Variants in RP1 observed in about 807,000 individuals in gnomAD.
The protein encoded by RP1 is oxygen-regulated protein 1.
RP1 carries 16 observed loss-of-function variants against 14.8 expected under a neutral mutation model. That is an observed-to-expected ratio of 1.08 (90% confidence interval 0.73 to 1.65). The LOEUF is 1.65. Ranked by LOEUF, RP1 falls within the 40% of genes most tolerant of loss-of-function variation. The pLI is 0.00. For missense variants in RP1, 2,631 were observed against 2,535.0 expected (o/e 1.04, Z -0.81); for synonymous variants, 876 against 883.6 (o/e 0.99, Z 0.15).
chr8:54,646,824 C>T (rs1806560524), intron 3 of RP1, among the ~76,000 whole-genome samples: 1 of 152,084 alleles, frequency 6.6e-6, no homozygotes, highest in South Asian at 2.1e-4. Context: ...TATTGATTCT[C>T]CCCTGAACTC....
At chr8:54,567,446 G>A (rs1208855064) in intron 1 of RP1, among the ~76,000 whole-genome samples, 1 of 152,168 alleles carries the variant, frequency 6.6e-6, no homozygotes, top group Admixed American at 6.5e-5. Flanking sequence ...TTATTATTAT[G>A]AGACTTCCTG....
intron 1 of RP1, among the ~76,000 whole-genome samples, chr8:54,576,090 G>A (rs1038900274): frequency 2.7e-5 from 4 of 149,760 alleles, no homozygotes; most frequent in African/African-American, 9.8e-5. Context: ...ACCCAGGCTG[G>A]AGTGCAGTGG....
At chr8:54,773,704 C>G (rs1282204334), downstream of RP1, among the ~76,000 whole-genome samples, 2 of 152,020 alleles carry the variant, frequency 1.3e-5, no homozygotes, top group Admixed American at 6.6e-5. Context: ...AGAACCTTGT[C>G]CTCAGTCAAG....
chr8:54,602,944 G>C (rs920016462), intron 1 of RP1, among the ~76,000 whole-genome samples: 4 of 152,220 alleles, frequency 2.6e-5, no homozygotes, highest in African/African-American at 7.2e-5. Flanking sequence ...TTAGCCCTTT[G>C]TTAGATGAGT....
chr8:54,850,628 G>A (rs1413068453), intron 25 of RP1, among the ~76,000 whole-genome samples: 1 of 152,174 alleles, frequency 6.6e-6, no homozygotes, highest in Non-Finnish European at 1.5e-5. Flanking sequence ...ATATTTTAGG[G>A]TGTGTCTAAG....
chr8:54,763,070 C>T (rs778570488), intron 22 of RP1, among the ~76,000 whole-genome samples: 35 of 152,284 alleles, frequency 2.3e-4, no homozygotes, highest in Middle Eastern at 6.8e-3. Context: ...TGGGGGAACA[C>T]TATTTAACCC....
exon 12 of RP1, chr8:54,679,867 G>C: frequency 6.5e-7 from 1 of 1,536,066 alleles, no homozygotes; most frequent in Non-Finnish European, 8.7e-7. Context: ...CAAGCTGACT[G>C]GAGGGTTTGT....
intron 1 of RP1, among the ~76,000 whole-genome samples, chr8:54,608,412 T>C (rs1166700460): frequency 6.6e-6 from 1 of 152,176 alleles, no homozygotes; most frequent in Non-Finnish European, 1.5e-5. Flanking sequence ...ATAGAAGCCC[T>C]CTCTGCCCTC....
At chr8:54,645,658 T>C (rs1806530819) in intron 3 of RP1, among the ~76,000 whole-genome samples, 2 of 152,300 alleles carry the variant, frequency 1.3e-5, no homozygotes, top group Non-Finnish European at 2.9e-5. Context: ...TGCAGTTTTC[T>C]TATAATGTGT....
chr8:54,610,534 A>G (rs1010673757), intron 1 of RP1, among the ~76,000 whole-genome samples: 2 of 152,040 alleles, frequency 1.3e-5, no homozygotes, highest in Non-Finnish European at 2.9e-5. Flanking sequence ...TGCCTACTTG[A>G]TATTTCTATT....
At chr8:54,660,138 G>A (rs1188221622) in intron 6 of RP1, among the ~76,000 whole-genome samples, 1 of 151,910 alleles carries the variant, frequency 6.6e-6, no homozygotes, top group Non-Finnish European at 1.5e-5. Flanking sequence ...CGATAATCTT[G>A]CTTCTTCTCT....
At chr8:54,633,293 A>C (rs1806284052), downstream of RP1, among the ~76,000 whole-genome samples, 1 of 152,168 alleles carries the variant, frequency 6.6e-6, no homozygotes, top group African/African-American at 2.4e-5. Flanking sequence ...TTCCAAGGAA[A>C]GCCCAATTTG....
chr8:54,794,952 A>G (rs796443174), intron 24 of RP1, among the ~76,000 whole-genome samples: 9 of 152,184 alleles, frequency 5.9e-5, no homozygotes, highest in African/African-American at 2.2e-4. Context: ...CATTTTCCCA[A>G]AGAAGACATA....
chr8:54,575,128 C>T (rs753862218), intron 1 of RP1, among the ~76,000 whole-genome samples: 1 of 152,124 alleles, frequency 6.6e-6, no homozygotes, highest in South Asian at 2.1e-4. Flanking sequence ...AATGAGTCCT[C>T]TAATAATAGA....
rs1006870124 is a variant in RP1, at chr8:54,823,922, A to AT, written c.3616-13519dup. On this transcript the variant is annotated intron_variant, in intron 24 of 28. Transcript: ENST00000637698. ...CATCAACAACATATGAGAGATCTGG[A>AT]TTTTTTTTTCCATCCCTGCAAGCAT... Among the ~76,000 whole-genome samples, 30 of 151,666 alleles carry AT rather than the reference A, an allele frequency of 2.0e-4. No homozygotes were observed. The Middle Eastern group carries it at 0.01, about 52-fold the overall frequency.
intron 19 of RP1, chr8:54,754,727 G>A: frequency 7.2e-7 from 1 of 1,391,148 alleles, no homozygotes; most frequent in Non-Finnish European, 9.4e-7. Flanking sequence ...TGAAATCCCT[G>A]GGATGCATTG....
chr8:54,691,974 A>G (rs1396053461), intron 12 of RP1, among the ~76,000 whole-genome samples: 1 of 151,210 alleles, frequency 6.6e-6, no homozygotes, highest in East Asian at 2.0e-4. Context: ...CCCTCCCCCA[A>G]CCCTACAACA....
chr8:54,832,916 T>G (rs1217497450), intron 24 of RP1, among the ~76,000 whole-genome samples: 1 of 152,002 alleles, frequency 6.6e-6, no homozygotes, highest in Non-Finnish European at 1.5e-5. Context: ...CCTTGGGAAT[T>G]TATCATGCTT....
At chr8:54,800,114 G>A (rs1810668940) in intron 24 of RP1, among the ~76,000 whole-genome samples, 1 of 151,936 alleles carries the variant, frequency 6.6e-6, no homozygotes, top group Non-Finnish European at 1.5e-5. Flanking sequence ...ACTGGATATG[G>A]AATTCTGGAT....
Sources: gnomAD v4.1 joint callset for allele counts (sites outside exome capture counted in the v4.1 genomes callset) on GRCh38, gnomAD v4.1.1 for gene constraint, MANE v1.5 for transcripts, NCBI Gene and HGNC (gene_info 2026-07-23, HGNC 2026-07-21) for gene names.